Variants in CCNL1 observed in about 807,000 individuals in gnomAD.
CCNL1 encodes the protein cyclin L1.
CCNL1 carries 13 observed loss-of-function variants against 60.6 expected under a neutral mutation model. The ratio of observed to expected loss-of-function variants is 0.21; its 90% CI spans 0.14 to 0.34. The LOEUF (loss-of-function observed/expected upper bound fraction) is 0.34, where lower values mean the gene tolerates loss of function less well. Ranked by LOEUF, CCNL1 falls within the 10% of genes least tolerant of loss-of-function variation. The pLI is 1.00. For missense variants in CCNL1, 481 were observed against 664.3 expected, an observed-to-expected ratio of 0.72 and a Z score of 3.03; for synonymous variants, 270 against 244.3, an observed-to-expected ratio of 1.10 and a Z score of -0.98.
Position 157,148,377 on chromosome 3 carries a change from G to A in CCNL1, c.1445C>T (p.Ser482Leu). The change falls in exon 11 of 11, where the codon TCA becomes TTA. Residue 482 changes from serine (S) to leucine (L), a missense_variant. Ser to Leu is a moderately radical substitution (Grantham distance 145). Transcript: ENST00000295926. ...SRSQSKSRDH[S>L]DAAKKHRHER... ...ATGCCTGTGTTTCTTGGCTGCATCT[G>A]AGTGATCCCGAGACTTGCTCTGAGA... 7 of 1,614,176 alleles carry A rather than the reference G, an allele frequency of 4.3e-6. No individual in the cohort carries two copies. Among genetic ancestry groups the A allele is most frequent in the African/African-American group, 1.3e-5 (1 of 75,020 alleles).
rs1311332579 is a variant in CCNL1, at chr3:157,150,563, C to G, written c.675-182G>C. The stretch of plus-strand genomic sequence containing the variant: ...ATCAGTAAGCAATAAGAATTTAATA[C>G]TAGGACCATATGCGATTTTCCTATA... On this transcript the variant is annotated intron_variant, in intron 5 of 10. Coordinates refer to ENST00000295926, the MANE Select transcript of CCNL1 (RefSeq NM_020307.4). 8 of 1,342,916 alleles carry G rather than the reference C, an allele frequency of 6.0e-6. 1 individual carries two copies. The highest frequency in any genetic ancestry group is 2.8e-4 in the Middle Eastern group (1 of 3,538). 83.2% of individuals were successfully genotyped at this position (1,342,916 alleles called of 1,614,324 possible).
rs1000887728 is a variant in CCNL1 at position 157,150,482 on chromosome 3, CTTAT to C, written c.675-105_675-102del. The stretch of plus-strand genomic sequence containing the variant: ...AATCTACTTTATTCTTTTTTCTTCT[CTTAT>C]TTATATTCACATCCTCATATTCTAG... On this transcript the variant is annotated intron_variant, in intron 5 of 10. Transcript: ENST00000295926. The C allele has an allele frequency of 4.9e-5, 72 of 1,476,364 alleles. No individual in the cohort carries two copies. The African/African-American group carries it at 9.5e-4, about 19-fold the overall frequency. The allele number at this position is 1,476,364 out of a possible 1,614,324, so 91.5% of individuals were successfully genotyped here.
In CCNL1 at chr3:157,160,136, C is replaced by T. The variant is rs1390006573; in HGVS notation, c.-42G>A. The stretch of plus-strand genomic sequence containing the variant: ...ACGCAAGCCCAACGCAGCCGGAACC[C>T]GAAACAAGACTAACCAGCGTTCTCG... On this transcript the variant is annotated 5_prime_UTR_variant, in exon 1 of 11. Coordinates refer to ENST00000295926, the MANE Select transcript of CCNL1 (RefSeq NM_020307.4). 6 of 1,520,848 alleles carry T rather than the reference C, an allele frequency of 3.9e-6. No homozygotes were observed. Among genetic ancestry groups the T allele is most frequent in the Non-Finnish European group, 5.3e-6 (6 of 1,132,098 alleles). The allele number at this position is 1,520,848 out of a possible 1,614,324, so 94.2% of individuals were successfully genotyped here.
chr3:157,158,906 T>C lies in CCNL1; in HGVS notation c.448A>G (p.Ile150Val), dbSNP rs1329870608. 2.5e-6 allele frequency: 4 copies of C among 1,613,524 alleles called. No homozygotes were observed. In the African/African-American group the frequency reaches 4.0e-5, roughly 16 times the overall value. ...EEAPRRIRDV[I>V]NVFHHLRQLR... ...TGGCGGAGGTGGTGGAATACATTAATCACATCTCTTATTCTTCTAGGTGCT... is the reference window on the plus strand; with the variant it reads ...TGGCGGAGGTGGTGGAATACATTAACCACATCTCTTATTCTTCTAGGTGCT... Residue 150 changes from isoleucine to valine, a missense_variant, in exon 3 of 11, where the codon ATT becomes GTT. By Grantham distance (29) the Ile-to-Val change is conservative. Coordinates refer to ENST00000295926, the MANE Select transcript of CCNL1 (RefSeq NM_020307.4).
At chr3:157,150,904 G>A in intron 5 of CCNL1, 1 of 983,768 alleles carries the variant, frequency 1.0e-6, no homozygotes, top group Non-Finnish European at 1.2e-6. Flanking sequence ...AGAAAATCTA[G>A]ATAGGGAAAT....
intron 3 of CCNL1, among the ~76,000 whole-genome samples, chr3:157,158,058 T>C (rs1170967557): frequency 6.6e-6 from 1 of 152,244 alleles, no homozygotes; most frequent in Non-Finnish European, 1.5e-5. Context: ...TTCTGCAGCA[T>C]GTACTGGAAG....
intron 5 of CCNL1, chr3:157,151,929 C>T: frequency 7.8e-7 from 1 of 1,288,932 alleles, no homozygotes; most frequent in Non-Finnish European, 1.0e-6. Context: ...TCATGGACTA[C>T]CCTTTAATTA....
chr3:157,151,127 C>A, intron 5 of CCNL1: 1 of 984,942 alleles, frequency 1.0e-6, no homozygotes, highest in Non-Finnish European at 1.2e-6. Flanking sequence ...ACCATGAGAA[C>A]TGCTATAATC....
chr3:157,157,997 T>C (rs1430642002), intron 3 of CCNL1, among the ~76,000 whole-genome samples: 1 of 152,216 alleles, frequency 6.6e-6, no homozygotes, highest in Non-Finnish European at 1.5e-5. Context: ...CTAACATCAC[T>C]ACAATTCCTT....
intron 3 of CCNL1, chr3:157,154,117 A>T (rs1462216665): frequency 6.6e-6 from 1 of 152,236 alleles, no homozygotes. Context: ...AATGCTTTAA[A>T]AGTAGCACAT....
Position 157,147,948 on chromosome 3 carries a change from A to G in CCNL1, c.*293T>C. 9.1e-7 allele frequency: 1 copy of G among 1,103,548 alleles called. No homozygotes were observed. Among genetic ancestry groups the G allele is most frequent in the Non-Finnish European group, 1.1e-6 (1 of 906,834 alleles). 68.4% of individuals were successfully genotyped at this position (1,103,548 alleles called of 1,614,324 possible). ...TTTTATCTGTATAAAAATAAGATAC[A>G]TTTTTACAGAATTCACGCTCCAGTT... On this transcript the variant is annotated 3_prime_UTR_variant, in exon 11 of 11. Coordinates refer to ENST00000295926, the MANE Select transcript of CCNL1 (RefSeq NM_020307.4).
At chr3:157,153,185 CTG>C in intron 3 of CCNL1, 29 bp from the exon 4 acceptor site, 1 of 1,580,900 alleles carries the variant, frequency 6.3e-7, no homozygotes, top group Non-Finnish European at 8.6e-7. Flanking sequence ...AAAATCAAAA[CTG>C]TTTTGCACAT....
At chr3:157,145,437 C>CAAAAAAAAAAAAA (rs56894231), downstream of CCNL1, among the ~76,000 whole-genome samples, 38 of 24,268 alleles carry the variant, frequency 1.6e-3, 2 homozygotes, top group Non-Finnish European at 2.0e-3. Context: ...GACTTCATCT[C>CAAAAAAAAAAAAA]AAAAAAAAAA....
At chr3:157,153,272 C>T (rs1738339002) in intron 3 of CCNL1, 116 bp from the exon 4 acceptor site, 3 of 950,754 alleles carry the variant, frequency 3.2e-6, no homozygotes, top group Non-Finnish European at 4.6e-6. Context: ...GCTTTTTAAA[C>T]TCCTGCAAAC....
intron 10 of CCNL1, 91 bp downstream of exon 10, chr3:157,149,196 T>C (rs995781882): frequency 3.7e-6 from 4 of 1,069,552 alleles, no homozygotes; most frequent in East Asian, 2.4e-5. Flanking sequence ...AACCTAACTT[T>C]GAAAATAATC....
intron 5 of CCNL1, chr3:157,151,300 A>G (rs1738172783): frequency 3.0e-6 from 3 of 985,590 alleles, no homozygotes; most frequent in East Asian, 1.1e-4. Context: ...TAAGTCCTTC[A>G]CATCAATAGT....
chr3:157,158,418 T>C (rs778559770), intron 3 of CCNL1, among the ~76,000 whole-genome samples: 6 of 152,318 alleles, frequency 3.9e-5, no homozygotes, highest in South Asian at 4.1e-4. Context: ...CCAACCTCAA[T>C]TGATAAAGAA....
chr3:157,157,178 T>C, intron 3 of CCNL1: 1 of 1,102,818 alleles, frequency 9.1e-7, no homozygotes, highest in Non-Finnish European at 1.2e-6. Context: ...AGAAACACTT[T>C]TACATCCTGC....
rs1163342502 is a variant in CCNL1 at position 157,151,058 on chromosome 3, T to G, written c.675-677A>C. The G allele has an allele frequency of 4.1e-6, 4 of 984,762 alleles. No homozygotes were observed. The African/African-American group carries it at 7.0e-5, about 17-fold the overall frequency. 61.0% of individuals were successfully genotyped at this position (984,762 alleles called of 1,614,324 possible). A position where few individuals can be genotyped will look rare whatever the true frequency, so the allele number is the denominator to read the frequency against. ...ACATTCCTAAACTATCAAAGAAATT[T>G]TACAGATCATTTAAAAGGTTAAGCT... On this transcript the variant is annotated intron_variant, in intron 5 of 10. Transcript: ENST00000295926.
Sources: gnomAD v4.1 joint callset for allele counts (sites outside exome capture counted in the v4.1 genomes callset) on GRCh38, gnomAD v4.1.1 for gene constraint, MANE v1.5 for transcripts, NCBI Gene and HGNC (gene_info 2026-07-23, HGNC 2026-07-21) for gene names.